ROBO2: variants seen among roughly 807,000 people sequenced by gnomAD.
The protein encoded by ROBO2 is roundabout homolog 2.
In ROBO2, 53 loss-of-function variants were observed where a neutral mutation model predicts 160.8. The observed-to-expected ratio is 0.33, with a 90% confidence interval of 0.26 to 0.41. The LOEUF is 0.41. Among genes scored for constraint, ROBO2 ranks in the 10% least tolerant of loss-of-function variants. The pLI, the probability that ROBO2 is intolerant of heterozygous loss-of-function variation, is 1.00. For synonymous variants in ROBO2, 664 were observed against 611.7 expected (o/e 1.09, Z -1.26); for missense variants, 1,577 against 1,722.4 (o/e 0.92, Z 1.49).
intron 2 of ROBO2, among the ~76,000 whole-genome samples, chr3:75,940,203 T>TA (rs1317847743): frequency 3.3e-5 from 5 of 152,080 alleles, no homozygotes; most frequent in African/African-American, 7.2e-5. Flanking sequence ...GTAGCTAAGT[T>TA]AAAAAAACGG....
At chr3:76,569,928 C>G (rs945648814) in intron 2 of ROBO2, among the ~76,000 whole-genome samples, 7 of 152,082 alleles carry the variant, frequency 4.6e-5, no homozygotes, top group African/African-American at 1.7e-4. Flanking sequence ...AGTTCAAGAC[C>G]AGCCTGGGCA....
intron 2 of ROBO2, among the ~76,000 whole-genome samples, chr3:76,552,002 G>A (rs1171751301): frequency 1.3e-5 from 2 of 152,074 alleles, no homozygotes; most frequent in East Asian, 1.9e-4. Context: ...CAGCAGGTGC[G>A]AGCAATACTC....
chr3:76,946,983 A>G (rs185919152), intron 2 of ROBO2, among the ~76,000 whole-genome samples: 2 of 152,072 alleles, frequency 1.3e-5, no homozygotes, highest in Non-Finnish European at 2.9e-5. Context: ...TCTTGTGTAT[A>G]TTTAGTCTAA....
intron 1 of ROBO2, among the ~76,000 whole-genome samples, chr3:77,042,733 C>T (rs1326617009): frequency 6.6e-6 from 1 of 151,976 alleles, no homozygotes; most frequent in Non-Finnish European, 1.5e-5. Flanking sequence ...CGTTTTATTC[C>T]TCTCTCCCTT....
At chr3:76,635,571 C>T (rs1034398938) in intron 2 of ROBO2, among the ~76,000 whole-genome samples, 21 of 152,186 alleles carry the variant, frequency 1.4e-4, no homozygotes, top group African/African-American at 5.1e-4. Flanking sequence ...TACTCACCAG[C>T]TCTACCAGCT....
chr3:76,636,795 T>C (rs892252118), intron 2 of ROBO2, among the ~76,000 whole-genome samples: 1 of 152,034 alleles, frequency 6.6e-6, no homozygotes, highest in African/African-American at 2.4e-5. Context: ...TTATAGATCA[T>C]AGGAACTGTA....
At position 77,411,999 on chromosome 3, in the gene ROBO2, A is replaced by G. The variant is rs2076842345; in HGVS notation, c.389-65415A>G. Among the ~76,000 whole-genome samples, 4 of 152,166 alleles carry G rather than the reference A, an allele frequency of 2.6e-5. No individual in the cohort carries two copies. The South Asian group carries it at 6.2e-4, about 24-fold the overall frequency. The stretch of plus-strand genomic sequence containing the variant: ...GCTGTCAATTTTAGTTGGCTATTAG[A>G]AAAACAACCCAAATTCATATTAATG... On this transcript the variant is annotated intron_variant, in intron 2 of 25. Coordinates refer to ENST00000461745, the Ensembl canonical transcript of ROBO2.
At chr3:76,740,823 T>G (rs542161802) in intron 2 of ROBO2, among the ~76,000 whole-genome samples, 31 of 152,244 alleles carry the variant, frequency 2.0e-4, no homozygotes, top group African/African-American at 7.5e-4. Context: ...GACATTTTCT[T>G]GTTTTACATT....
At chr3:76,979,451 G>A (rs1442305595) in intron 2 of ROBO2, among the ~76,000 whole-genome samples, 1 of 151,968 alleles carries the variant, frequency 6.6e-6, no homozygotes, top group Non-Finnish European at 1.5e-5. Context: ...CCACCTATAA[G>A]TGAGTACATG....
At chr3:76,615,614 G>C (rs1051544240) in intron 2 of ROBO2, among the ~76,000 whole-genome samples, 4 of 152,116 alleles carry the variant, frequency 2.6e-5, no homozygotes, top group Admixed American at 2.0e-4. Context: ...ATAAGGAAGG[G>C]CCAAAAAATA....
At chr3:76,835,737 G>A (rs972061391) in intron 2 of ROBO2, among the ~76,000 whole-genome samples, 1 of 151,762 alleles carries the variant, frequency 6.6e-6, no homozygotes, top group African/African-American at 2.4e-5. Flanking sequence ...TTTCTAACAT[G>A]GATCTCCAAC....
intron 2 of ROBO2, among the ~76,000 whole-genome samples, chr3:76,443,978 T>C (rs2077049306): frequency 6.6e-6 from 1 of 152,100 alleles, no homozygotes; most frequent in African/African-American, 2.4e-5. Context: ...ATTATTATTA[T>C]TATTATTGAT....
At chr3:76,335,243 G>A (rs1027178897) in intron 2 of ROBO2, among the ~76,000 whole-genome samples, 19 of 134,564 alleles carry the variant, frequency 1.4e-4, no homozygotes, top group African/African-American at 2.8e-4. Context: ...GTGCAGTGGC[G>A]CGATCTCTGC....
At chr3:76,072,814 G>A (rs1348929046) in intron 2 of ROBO2, among the ~76,000 whole-genome samples, 2 of 152,186 alleles carry the variant, frequency 1.3e-5, no homozygotes, top group Admixed American at 1.3e-4. Flanking sequence ...CCCAGTGCAG[G>A]AATGTAGGCA....
chr3:76,739,265 T>A, intron 2 of ROBO2, among the ~76,000 whole-genome samples: 1 of 152,022 alleles, frequency 6.6e-6, no homozygotes, highest in East Asian at 1.9e-4. Context: ...ATTAAGAAAA[T>A]GTGGCACATT....
Position 75,952,093 on chromosome 3 carries a change from A to G in ROBO2, c.109+14491A>G, listed in dbSNP as rs566596523. ...ATGTCTTACATTTTCAGAATGTAGC[A>G]CAGTAAGTCCACTGGGTCCAGCAAT... On this transcript the variant is annotated intron_variant, in intron 2 of 26. Coordinates refer to the ROBO2 transcript ENST00000487694. Among the ~76,000 whole-genome samples the G allele has an allele frequency of 2.4e-4, 36 of 152,118 alleles. No homozygotes were observed. In the South Asian group the frequency reaches 7.5e-3, roughly 32 times the overall value.
At chr3:76,063,846 A>G (rs2068150243) in intron 2 of ROBO2, among the ~76,000 whole-genome samples, 1 of 152,162 alleles carries the variant, frequency 6.6e-6, no homozygotes, top group African/African-American at 2.4e-5. Flanking sequence ...AATATAACTA[A>G]GCAAATTATA....
intron 2 of ROBO2, among the ~76,000 whole-genome samples, chr3:76,523,898 A>C (rs2107931378): frequency 6.6e-6 from 1 of 152,138 alleles, no homozygotes; most frequent in African/African-American, 2.4e-5. Context: ...TTGTTTATTA[A>C]TGGGAAGAAA....
At chr3:75,981,470 ACT>A (rs1212729016) in intron 2 of ROBO2, among the ~76,000 whole-genome samples, 1 of 151,284 alleles carries the variant, frequency 6.6e-6, no homozygotes. Flanking sequence ...ATAACTCGTG[ACT>A]CTGTTGAATG....
Sources: gnomAD v4.1 joint callset for allele counts (sites outside exome capture counted in the v4.1 genomes callset) on GRCh38, gnomAD v4.1.1 for gene constraint, MANE v1.5 for transcripts, NCBI Gene and HGNC (gene_info 2026-07-23, HGNC 2026-07-21) for gene names.